Variants in ZFHX3 observed in about 807,000 individuals in gnomAD.
ZFHX3 encodes zinc finger homeobox protein 3.
In ZFHX3, 42 loss-of-function variants were observed where a neutral mutation model predicts 279.1. That is an observed-to-expected ratio of 0.15 (90% CI 0.12 to 0.19). ZFHX3 has a LOEUF of 0.19. Ranked by LOEUF, ZFHX3 falls within the 10% of genes least tolerant of loss-of-function variation. ZFHX3 has a pLI of 1.00. For missense variants in ZFHX3, 4,981 were observed against 4,754.0 expected (o/e 1.05, Z -1.40); for synonymous variants, 2,293 against 1,957.8 (o/e 1.17, Z -4.52).
At chr16:72,955,727 G>A (rs920134599) in intron 2 of ZFHX3, among the ~76,000 whole-genome samples, 22 of 144,198 alleles carry the variant, frequency 1.5e-4, no homozygotes, top group Admixed American at 5.2e-4. Context: ...GCAGTGAGCC[G>A]AGACGGCACC....
chr16:72,904,636 C>A (rs975811780), intron 3 of ZFHX3, among the ~76,000 whole-genome samples: 2 of 152,110 alleles, frequency 1.3e-5, no homozygotes, highest in Non-Finnish European at 2.9e-5. Context: ...GGTCTCAGTG[C>A]CTTTTCTTGC....
chr16:73,210,013 G>T (rs529776933), intron 5 of ZFHX3, among the ~76,000 whole-genome samples: 51 of 152,128 alleles, frequency 3.4e-4, no homozygotes, highest in Non-Finnish European at 6.3e-4. Flanking sequence ...AAATAACTTT[G>T]GGGGTTCACT....
chr16:73,558,879 AC>A (rs201909761), intron 2 of ZFHX3, among the ~76,000 whole-genome samples: 10,418 of 150,890 alleles, frequency 0.069, 491 homozygotes, highest in Admixed American at 0.14. Context: ...TGCCCAGCTC[AC>A]TTTTTTTTAT....
chr16:73,736,206 G>A (rs2053608862), intron 1 of ZFHX3, among the ~76,000 whole-genome samples: 1 of 152,160 alleles, frequency 6.6e-6, no homozygotes, highest in South Asian at 2.1e-4. Context: ...TGGGTTTCTA[G>A]TTCATCGTCA....
At chr16:73,198,724 A>G (rs561442053) in intron 5 of ZFHX3, among the ~76,000 whole-genome samples, 2 of 152,156 alleles carry the variant, frequency 1.3e-5, no homozygotes, top group Non-Finnish European at 2.9e-5. Context: ...GACATGTTGG[A>G]AGCGAAGGGC....
chr16:73,306,897 T>G (rs953857352), intron 4 of ZFHX3, among the ~76,000 whole-genome samples: 1 of 152,200 alleles, frequency 6.6e-6, no homozygotes, highest in African/African-American at 2.4e-5. Flanking sequence ...GCTTAGACAT[T>G]ACTGAGAGAA....
chr16:72,997,014 G>C (rs1030192697), intron 1 of ZFHX3, among the ~76,000 whole-genome samples: 2 of 152,134 alleles, frequency 1.3e-5, no homozygotes, highest in Non-Finnish European at 2.9e-5. Flanking sequence ...GGGCAGAAGC[G>C]CAAGATCCTG....
chr16:72,828,551 T>G (rs1442147938), intron 5 of ZFHX3, among the ~76,000 whole-genome samples: 1 of 152,184 alleles, frequency 6.6e-6, no homozygotes, highest in African/African-American at 2.4e-5. Context: ...CTGCACTGCT[T>G]GTCTCCCCTT....
intron 3 of ZFHX3, among the ~76,000 whole-genome samples, chr16:73,361,178 T>G: frequency 6.6e-6 from 1 of 152,232 alleles, no homozygotes; most frequent in East Asian, 1.9e-4. Context: ...GGCACGTTGG[T>G]GGCCTCCAGT....
At chr16:73,891,584 GAC>G (rs2030540001) in intron 1 of ZFHX3, 1 of 152,438 alleles carries the variant, frequency 6.6e-6, no homozygotes, top group African/African-American at 2.4e-5. Context: ...GAGAGAGAAA[GAC>G]ACACGCAGAA....
intron 4 of ZFHX3, among the ~76,000 whole-genome samples, chr16:73,311,089 C>T (rs902932692): frequency 2.0e-5 from 3 of 151,458 alleles, no homozygotes; most frequent in East Asian, 2.0e-4. Flanking sequence ...AAAAATTAGC[C>T]GGGCATGGTG....
chr16:73,791,614 G>A (rs921822766), intron 1 of ZFHX3, among the ~76,000 whole-genome samples: 13 of 151,836 alleles, frequency 8.6e-5, no homozygotes, highest in Admixed American at 2.0e-4. Context: ...TAATAGAGAT[G>A]GGGTTTCACC....
chr16:73,657,605 C>T (rs2052736005), intron 2 of ZFHX3, among the ~76,000 whole-genome samples: 1 of 152,138 alleles, frequency 6.6e-6, no homozygotes. Flanking sequence ...AAACCCCCAT[C>T]TCCTTTCTCC....
chr16:73,840,756 A>G (rs1230202931), intron 1 of ZFHX3, among the ~76,000 whole-genome samples: 1 of 152,184 alleles, frequency 6.6e-6, no homozygotes, highest in Admixed American at 6.5e-5. Context: ...GCTGCCTTGT[A>G]TACCACAAAT....
At chr16:73,010,259 CTG>C (rs1963869603) in intron 1 of ZFHX3, among the ~76,000 whole-genome samples, 2 of 152,148 alleles carry the variant, frequency 1.3e-5, no homozygotes, top group Admixed American at 6.5e-5. Flanking sequence ...GGGAAGGAAA[CTG>C]TGCCACCTGC....
intron 3 of ZFHX3, among the ~76,000 whole-genome samples, chr16:73,328,316 A>G (rs2015733215): frequency 6.6e-6 from 1 of 152,204 alleles, no homozygotes; most frequent in Non-Finnish European, 1.5e-5. Context: ...GTAGATAGGT[A>G]AATCTGGTCA....
intron 3 of ZFHX3, chr16:73,399,990 C>T (rs575483013): frequency 1.3e-5 from 2 of 151,496 alleles, no homozygotes; most frequent in South Asian, 2.1e-4. Context: ...GGTGCTCACA[C>T]GCATATGTAC....
intron 1 of ZFHX3, among the ~76,000 whole-genome samples, chr16:73,822,682 A>C (rs367578152): frequency 6.6e-6 from 1 of 152,222 alleles, no homozygotes; most frequent in East Asian, 1.9e-4. Flanking sequence ...AACTGAGTTC[A>C]ATTTGAAAAG....
intron 4 of ZFHX3, among the ~76,000 whole-genome samples, chr16:73,304,174 C>T (rs952284259): frequency 2.0e-5 from 3 of 152,006 alleles, no homozygotes; most frequent in Non-Finnish European, 4.4e-5. Flanking sequence ...TGTCCAGGTT[C>T]AGGGTGTGAG....
Sources: gnomAD v4.1 joint callset for allele counts (sites outside exome capture counted in the v4.1 genomes callset) on GRCh38, gnomAD v4.1.1 for gene constraint, MANE v1.5 for transcripts, NCBI Gene and HGNC (gene_info 2026-07-23, HGNC 2026-07-21) for gene names.